The following PRLR variants were observed in gnomAD, a reference collection of about 807,000 sequenced individuals.
PRLR encodes the protein hPRL receptor.
A neutral mutation model predicts 40.2 loss-of-function variants in PRLR; 13 were observed. The ratio of observed to expected loss-of-function variants is 0.32; its 90% confidence interval spans 0.21 to 0.51. The LOEUF (loss-of-function observed/expected upper bound fraction) is 0.51. Among genes scored for constraint, PRLR ranks in the 20% least tolerant of loss-of-function variants. The probability of loss-of-function intolerance (pLI) is 0.97; values close to 1 mark genes in which losing one functional copy is unlikely to be tolerated. For missense variants in PRLR, 656 were observed against 747.3 expected (o/e 0.88, Z 1.42); for synonymous variants, 269 against 278.7 (o/e 0.97, Z 0.35).
intron 9 of PRLR, among the ~76,000 whole-genome samples, chr5:35,066,703 C>T (rs959176215): frequency 1.3e-5 from 2 of 150,604 alleles, no homozygotes; most frequent in African/African-American, 4.9e-5. Context: ...ATTCTCCCTG[C>T]TTCTATCCTT....
chr5:35,230,457 TC>T lies in PRLR; in HGVS notation c.-296del, dbSNP rs1327313912. ...GGGGATTTCAGCCTCCGCTCCCCGGTCCCCAGCCCGGTGGCTCTGTGAGAAG... is the reference window on the plus strand; with the variant it reads ...GGGGATTTCAGCCTCCGCTCCCCGGTCCCAGCCCGGTGGCTCTGTGAGAAG... On this transcript the variant is annotated 5_prime_UTR_variant, in exon 1 of 10. Transcript: ENST00000618457. The T allele has an allele frequency of 6.6e-6, 1 of 152,300 alleles. No homozygotes were observed. Among genetic ancestry groups the T allele is most frequent in the Non-Finnish European group, 1.5e-5 (1 of 68,062 alleles). 9.4% of individuals were successfully genotyped at this position (152,300 alleles called of 1,614,324 possible). A position where few individuals can be genotyped will look rare whatever the true frequency, so the allele number is the denominator to read the frequency against.
intron 1 of PRLR, among the ~76,000 whole-genome samples, chr5:35,170,261 G>A (rs1774961596): frequency 6.6e-6 from 1 of 152,154 alleles, no homozygotes; most frequent in Non-Finnish European, 1.5e-5. Flanking sequence ...GATCCTGCTG[G>A]TGGAAATATA....
chr5:35,210,111 T>A (rs1776132103), intron 1 of PRLR, among the ~76,000 whole-genome samples: 5 of 152,214 alleles, frequency 3.3e-5, no homozygotes. Flanking sequence ...CCCACCTCAG[T>A]GCCTTTGCAG....
Position 35,059,489 on chromosome 5 carries a change from C to T in PRLR, c.*5600G>A, listed in dbSNP as rs1768909008. 4 of 152,210 alleles carry T rather than the reference C, an allele frequency of 2.6e-5. No individual in the cohort carries two copies. In the South Asian group the frequency reaches 8.3e-4, roughly 32 times the overall value. The allele number at this position is 152,210 out of a possible 1,614,324, so 9.4% of individuals were successfully genotyped here. On this transcript the variant is annotated 3_prime_UTR_variant, in exon 10 of 10. Coordinates refer to ENST00000618457, the MANE Select transcript of PRLR (RefSeq NM_000949.7). ...ATAAACTCATAAAATCTGTTCAGAA[C>T]ACTGAACAGATTTAGATTTACCATA...
chr5:35,118,554 A>G (rs1773153790), intron 1 of PRLR, among the ~76,000 whole-genome samples: 1 of 152,232 alleles, frequency 6.6e-6, no homozygotes, highest in Non-Finnish European at 1.5e-5. Flanking sequence ...TAGGAAAATT[A>G]ACATCGACAC....
At chr5:35,165,778 C>A (rs928701787) in intron 1 of PRLR, among the ~76,000 whole-genome samples, 1 of 152,090 alleles carries the variant, frequency 6.6e-6, no homozygotes, top group African/African-American at 2.4e-5. Flanking sequence ...TCTTATAAAC[C>A]TTTATAAACA....
At chr5:35,116,660 G>T (rs1009880325) in intron 2 of PRLR, among the ~76,000 whole-genome samples, 3 of 152,112 alleles carry the variant, frequency 2.0e-5, no homozygotes, top group Non-Finnish European at 2.9e-5. Context: ...AGGGGTAGAA[G>T]CCAAGACGGG....
chr5:35,179,241 A>G (rs1230590599), intron 1 of PRLR, among the ~76,000 whole-genome samples: 1 of 152,146 alleles, frequency 6.6e-6, no homozygotes, highest in Non-Finnish European at 1.5e-5. Context: ...GGATCTGCAA[A>G]TGTTTGCTGG....
chr5:35,213,860 T>C (rs1441248785), intron 1 of PRLR, among the ~76,000 whole-genome samples: 1 of 152,210 alleles, frequency 6.6e-6, no homozygotes, highest in Admixed American at 6.5e-5. Context: ...TTTGTTGGGC[T>C]GGTTTTCAGT....
At position 35,072,650 on chromosome 5, in the gene PRLR, C is replaced by T; in HGVS notation, c.468G>A (p.Leu156=). The T allele has an allele frequency of 6.2e-7, 1 of 1,614,150 alleles. No homozygotes were observed. Among genetic ancestry groups the T allele is most frequent in the Non-Finnish European group, 8.5e-7 (1 of 1,179,996 alleles). Residue 156 remains leucine, a synonymous_variant, in exon 6 of 10, where the codon CTG becomes CTA. Transcript: ENST00000618457. The stretch of plus-strand genomic sequence containing the variant: ...TGAACCAACCAGTTTTTAAGTCAAT[C>T]AGGGTAGGTGGAGACCATTTAATCC... ...YLWIKWSPPT[L]IDLKTGWFTL... is the part of the protein sequence containing the mutation.
At chr5:35,106,275 C>T (rs1175487583) in intron 2 of PRLR, among the ~76,000 whole-genome samples, 1 of 152,080 alleles carries the variant, frequency 6.6e-6, no homozygotes, top group Non-Finnish European at 1.5e-5. Flanking sequence ...CAAAAACATG[C>T]CAAATTGTAA....
chr5:35,087,161 T>C (rs1770907406), intron 3 of PRLR, among the ~76,000 whole-genome samples: 1 of 152,030 alleles, frequency 6.6e-6, no homozygotes, highest in South Asian at 2.1e-4. Flanking sequence ...CGGCTAAGTT[T>C]TTGTATTTTT....
intron 1 of PRLR, among the ~76,000 whole-genome samples, chr5:35,211,705 A>G (rs1380805671): frequency 2.0e-5 from 3 of 152,250 alleles, no homozygotes; most frequent in Non-Finnish European, 4.4e-5. Flanking sequence ...AGAAATCTGT[A>G]TATGACTTGA....
chr5:35,096,873 A>G (rs939787371), intron 2 of PRLR, among the ~76,000 whole-genome samples: 27 of 151,752 alleles, frequency 1.8e-4, no homozygotes, highest in African/African-American at 5.8e-4. Flanking sequence ...GCCCACCTCA[A>G]CCTCCCAAAG....
chr5:35,194,301 T>C (rs1160465700), intron 1 of PRLR, among the ~76,000 whole-genome samples: 1 of 152,194 alleles, frequency 6.6e-6, no homozygotes, highest in Admixed American at 6.5e-5. Context: ...ACTCTGTCTA[T>C]AAAATCAGGA....
At chr5:35,076,754 A>G (rs1322522890) in intron 5 of PRLR, among the ~76,000 whole-genome samples, 1 of 152,214 alleles carries the variant, frequency 6.6e-6, no homozygotes, top group African/African-American at 2.4e-5. Context: ...CAGATTCACC[A>G]AAGTTAAAAT....
intron 1 of PRLR, among the ~76,000 whole-genome samples, chr5:35,216,761 C>T (rs367785021): frequency 6.6e-6 from 1 of 152,314 alleles, no homozygotes; most frequent in East Asian, 1.9e-4. Flanking sequence ...TTTTAACCAT[C>T]TGTTATCTGT....
chr5:35,078,674 T>C (rs532240183), intron 5 of PRLR, among the ~76,000 whole-genome samples: 4 of 152,082 alleles, frequency 2.6e-5, no homozygotes, highest in East Asian at 3.9e-4. Flanking sequence ...TTCCAATCAA[T>C]AGAAAAAGAG....
At chr5:35,127,689 T>A (rs1000329675) in intron 1 of PRLR, among the ~76,000 whole-genome samples, 1 of 152,176 alleles carries the variant, frequency 6.6e-6, no homozygotes, top group Non-Finnish European at 1.5e-5. Context: ...AAGGAAGCAC[T>A]GATACATGCT....
Sources: allele counts gnomAD v4.1 joint callset (sites outside exome capture counted in the v4.1 genomes callset), GRCh38; gene constraint gnomAD v4.1.1; transcripts MANE v1.5; gene names NCBI Gene and HGNC (gene_info 2026-07-23, HGNC 2026-07-21).